Variants in FRMD3 observed in about 807,000 individuals in gnomAD.
FRMD3 encodes FERM domain-containing protein 3.
In FRMD3, 33 loss-of-function variants were observed where a neutral mutation model predicts 70.2. The observed-to-expected ratio is 0.47, with a 90% confidence interval of 0.36 to 0.63. FRMD3 has a LOEUF of 0.63. Ranked by LOEUF, FRMD3 falls within the 20% of genes least tolerant of loss-of-function variation. The probability of loss-of-function intolerance (pLI) is 0.00; values close to 1 mark genes in which losing one functional copy is unlikely to be tolerated. For synonymous variants in FRMD3, 279 were observed against 255.9 expected, an observed-to-expected ratio of 1.09 and a Z score of -0.86; for missense variants, 632 against 711.4, an observed-to-expected ratio of 0.89 and a Z score of 1.27.
At chr9:83,311,101 G>C (rs111305319) in intron 8 of FRMD3, among the ~76,000 whole-genome samples, 1 of 152,222 alleles carries the variant, frequency 6.6e-6, no homozygotes, top group African/African-American at 2.4e-5. Flanking sequence ...TGTCCAATTA[G>C]GTATACAGGA....
At chr9:83,365,366 A>G (rs1824753467) in intron 3 of FRMD3, among the ~76,000 whole-genome samples, 1 of 152,198 alleles carries the variant, frequency 6.6e-6, no homozygotes, top group Non-Finnish European at 1.5e-5. Context: ...CTGATCTTGC[A>G]TGAATCTGTT....
Position 83,267,066 on chromosome 9 carries a change from T to A in FRMD3, c.1196-18550A>T, listed in dbSNP as rs528335673. The A allele has an allele frequency of 5.6e-5, 87 of 1,550,924 alleles. 1 individual carries two copies. The African/African-American group carries it at 1.1e-3, about 20-fold the overall frequency. ...AGTCTCAGCAGACGAACAAACACATTACTGTTGCAGTGGTTCACCATGTGC... is the reference window on the plus strand; with the variant it reads ...AGTCTCAGCAGACGAACAAACACATAACTGTTGCAGTGGTTCACCATGTGC... On this transcript the variant is annotated intron_variant, in intron 13 of 13. Transcript: ENST00000304195.
At chr9:83,526,792 A>G (rs1829692267) in intron 1 of FRMD3, among the ~76,000 whole-genome samples, 2 of 152,158 alleles carry the variant, frequency 1.3e-5, no homozygotes, top group African/African-American at 4.8e-5. Flanking sequence ...AATAAGATTG[A>G]TGATGTTTCA....
intron 13 of FRMD3, among the ~76,000 whole-genome samples, chr9:83,268,401 C>T (rs772958801): frequency 6.6e-6 from 1 of 151,954 alleles, no homozygotes; most frequent in Non-Finnish European, 1.5e-5. Context: ...AAGAATTAAC[C>T]CTGAGAAAAT....
the FRMD3 span, among the ~76,000 whole-genome samples, chr9:83,570,304 T>C: frequency 2.6e-5 from 4 of 152,024 alleles, no homozygotes; most frequent in Non-Finnish European, 5.9e-5. Flanking sequence ...TGAGGGGAAA[T>C]AAGCAGGGAA....
At chr9:83,464,836 T>C (rs990228238) in intron 1 of FRMD3, among the ~76,000 whole-genome samples, 1 of 151,960 alleles carries the variant, frequency 6.6e-6, no homozygotes, top group Non-Finnish European at 1.5e-5. Flanking sequence ...CTGGCGAACA[T>C]AGCGAAACCC....
intron 13 of FRMD3, among the ~76,000 whole-genome samples, chr9:83,280,262 A>C (rs529803844): frequency 7.2e-5 from 11 of 152,192 alleles, no homozygotes; most frequent in Admixed American, 3.9e-4. Context: ...TGGCCCTCTC[A>C]TTCTCTGTCC....
chr9:83,376,178 T>TA (rs11398336), intron 2 of FRMD3, among the ~76,000 whole-genome samples: 78,141 of 143,482 alleles, frequency 0.54, 21,294 homozygotes, highest in Admixed American at 0.61. Context: ...AAAAAAAAGT[T>TA]AAAAAAAAAA....
At chr9:83,339,273 T>C (rs1823679014) in intron 5 of FRMD3, among the ~76,000 whole-genome samples, 1 of 152,196 alleles carries the variant, frequency 6.6e-6, no homozygotes, top group Non-Finnish European at 1.5e-5. Flanking sequence ...TCTTTAACTC[T>C]GACCTCTCCT....
intron 2 of FRMD3, among the ~76,000 whole-genome samples, chr9:83,380,299 A>C (rs1373913157): frequency 6.6e-6 from 1 of 152,148 alleles, no homozygotes; most frequent in African/African-American, 2.4e-5. Flanking sequence ...GATGAGCTAC[A>C]CAAAGGGGGT....
At chr9:83,361,841 T>A (rs1435606233) in intron 3 of FRMD3, among the ~76,000 whole-genome samples, 1 of 151,072 alleles carries the variant, frequency 6.6e-6, no homozygotes, top group Admixed American at 6.6e-5. Flanking sequence ...GAGTGTGGAG[T>A]GAGGCAGCTA....
At chr9:83,336,336 A>C (rs1171976130) in intron 5 of FRMD3, among the ~76,000 whole-genome samples, 1 of 151,922 alleles carries the variant, frequency 6.6e-6, no homozygotes, top group Non-Finnish European at 1.5e-5. Context: ...AATGTTTTAC[A>C]TTTTTTAAAA....
chr9:83,478,539 T>C (rs1828453846), intron 1 of FRMD3, among the ~76,000 whole-genome samples: 1 of 152,148 alleles, frequency 6.6e-6, no homozygotes, highest in African/African-American at 2.4e-5. Flanking sequence ...AGAAATTGTG[T>C]ATTGCTGATG....
intron 1 of FRMD3, among the ~76,000 whole-genome samples, chr9:83,458,673 G>T (rs1345113905): frequency 1.3e-5 from 2 of 152,190 alleles, no homozygotes; most frequent in African/African-American, 4.8e-5. Flanking sequence ...GAAATGAAAA[G>T]CAAGGAGATT....
chr9:83,268,794 G>A (rs1833399863), intron 13 of FRMD3, among the ~76,000 whole-genome samples: 1 of 152,082 alleles, frequency 6.6e-6, no homozygotes, highest in South Asian at 2.1e-4. Context: ...CCCTCTCCTG[G>A]GTGAGCAGCC....
chr9:83,300,811 T>A (rs1326926509), intron 10 of FRMD3, among the ~76,000 whole-genome samples: 1 of 152,160 alleles, frequency 6.6e-6, no homozygotes, highest in African/African-American at 2.4e-5. Context: ...AATGTACAGA[T>A]GTACGAAGGA....
chr9:83,306,984 C>T (rs1245264513), intron 10 of FRMD3, among the ~76,000 whole-genome samples: 1 of 152,058 alleles, frequency 6.6e-6, no homozygotes, highest in Non-Finnish European at 1.5e-5. Context: ...ATGACTTTAA[C>T]CTAAATACAA....
chr9:83,544,943 C>A, the FRMD3 span, among the ~76,000 whole-genome samples: 7 of 151,834 alleles, frequency 4.6e-5, no homozygotes, highest in Non-Finnish European at 1.0e-4. Flanking sequence ...AAGAAAGGAC[C>A]AACACAACAA....
intron 1 of FRMD3, among the ~76,000 whole-genome samples, chr9:83,512,740 G>A: frequency 6.6e-6 from 1 of 152,154 alleles, no homozygotes; most frequent in East Asian, 1.9e-4. Flanking sequence ...TGGGTGCTGA[G>A]AAAGTCACTA....
Sources: allele counts gnomAD v4.1 joint callset (sites outside exome capture counted in the v4.1 genomes callset), GRCh38; gene constraint gnomAD v4.1.1; transcripts MANE v1.5; gene names NCBI Gene and HGNC (gene_info 2026-07-23, HGNC 2026-07-21).